The following SLC41A3 variants were observed in gnomAD, a reference collection of about 807,000 sequenced individuals.
The protein encoded by SLC41A3 is solute carrier family 41 member 3, also known as SLC41A1-like 2.
In SLC41A3, 44 loss-of-function variants were observed where a neutral mutation model predicts 45.4. That is an observed-to-expected ratio of 0.97 (90% CI 0.76 to 1.25). The LOEUF (loss-of-function observed/expected upper bound fraction) is 1.25, where lower values mean the gene tolerates loss of function less well. Ranked by LOEUF, SLC41A3 falls within the 50% of genes most tolerant of loss-of-function variation. The pLI, the probability that SLC41A3 is intolerant of heterozygous loss-of-function variation, is 0.00. For synonymous variants in SLC41A3, 256 were observed against 252.4 expected, an observed-to-expected ratio of 1.01 and a Z score of -0.13; for missense variants, 550 against 600.6, an observed-to-expected ratio of 0.92 and a Z score of 0.88.
chr3:126,071,597 T>C (rs1364936523), intron 1 of SLC41A3, among the ~76,000 whole-genome samples: 1 of 152,156 alleles, frequency 6.6e-6, no homozygotes, highest in Non-Finnish European at 1.5e-5. Context: ...GAATACTCAA[T>C]CTTATCAAGT....
chr3:126,035,746 T>C (rs1247407893), intron 3 of SLC41A3, among the ~76,000 whole-genome samples: 10 of 152,032 alleles, frequency 6.6e-5, no homozygotes, highest in Non-Finnish European at 1.3e-4. Context: ...AGGGCTCTTC[T>C]CTAGAACAGA....
chr3:126,072,076 C>A (rs1325420788), intron 1 of SLC41A3, among the ~76,000 whole-genome samples: 1 of 152,034 alleles, frequency 6.6e-6, no homozygotes, highest in African/African-American at 2.4e-5. Flanking sequence ...TGCCCCAGCC[C>A]ATACTCTTAA....
chr3:126,069,533 C>T (rs979104854), intron 1 of SLC41A3, among the ~76,000 whole-genome samples: 3 of 152,056 alleles, frequency 2.0e-5, no homozygotes, highest in Non-Finnish European at 4.4e-5. Flanking sequence ...ATCTCATTTC[C>T]ACACCTGTCA....
chr3:126,087,791 G>GT (rs1281666066), upstream of SLC41A3, among the ~76,000 whole-genome samples: 3 of 71,424 alleles, frequency 4.2e-5, no homozygotes, highest in Middle Eastern at 9.4e-3. Flanking sequence ...AAAGGAATTT[G>GT]TTTAAAAAAA....
At chr3:126,074,020 A>C (rs1944757613) in intron 1 of SLC41A3, among the ~76,000 whole-genome samples, 1 of 152,180 alleles carries the variant, frequency 6.6e-6, no homozygotes, top group Non-Finnish European at 1.5e-5. Context: ...TCAGGAATGC[A>C]AAGTTGGTTC....
chr3:126,097,399 C>T (rs529930851), intron 1 of SLC41A3, among the ~76,000 whole-genome samples: 6 of 152,286 alleles, frequency 3.9e-5, no homozygotes, highest in South Asian at 2.1e-4. Context: ...CTCTCCCTGG[C>T]GCTGTGAAAT....
At chr3:126,019,660 C>T (rs1940655028) in intron 6 of SLC41A3, among the ~76,000 whole-genome samples, 1 of 152,198 alleles carries the variant, frequency 6.6e-6, no homozygotes, top group Non-Finnish European at 1.5e-5. Flanking sequence ...AGGCCAAAAC[C>T]TGAGAGAGCA....
chr3:126,083,858 C>G (rs1400773774), intron 1 of SLC41A3: 2 of 150,580 alleles, frequency 1.3e-5, no homozygotes, highest in Non-Finnish European at 3.0e-5. Context: ...GGCCGCCCCT[C>G]CGACCCCTCG....
At chr3:126,036,617 T>C (rs1942213565) in intron 3 of SLC41A3, among the ~76,000 whole-genome samples, 1 of 152,040 alleles carries the variant, frequency 6.6e-6, no homozygotes. Flanking sequence ...CGCTGCCTCT[T>C]CTTGGTTTCC....
rs72979446 is a variant in SLC41A3 at position 126,029,174 on chromosome 3, G to A, written c.454-2695C>T. On this transcript the variant is annotated intron_variant, in intron 4 of 10. Coordinates refer to ENST00000360370, the MANE Select transcript of SLC41A3 (RefSeq NM_017836.4). ...GAAAGGCATGAGATTTGGGGGGCCA[G>A]GGGTGAAATTATATAGTTTGTATTT... 5.8e-3 allele frequency among the ~76,000 whole-genome samples: 884 copies of A among 152,304 alleles called. 5 individuals carry two copies. The highest frequency in any genetic ancestry group is 0.02 in the African/African-American group (841 of 41,552).
chr3:126,022,498 C>G (rs571857537), intron 6 of SLC41A3, among the ~76,000 whole-genome samples: 22 of 152,318 alleles, frequency 1.4e-4, no homozygotes, highest in African/African-American at 5.3e-4. Flanking sequence ...GGTGACAGAA[C>G]CCAGCGTGCA....
intron 1 of SLC41A3, among the ~76,000 whole-genome samples, chr3:126,089,807 A>G (rs947023801): frequency 6.6e-6 from 1 of 152,190 alleles, no homozygotes; most frequent in African/African-American, 2.4e-5. Flanking sequence ...TAAAATAAAA[A>G]TGGTTTACAT....
chr3:126,044,694 G>A (rs1432629511), intron 3 of SLC41A3, among the ~76,000 whole-genome samples: 1 of 151,714 alleles, frequency 6.6e-6, no homozygotes, highest in African/African-American at 2.4e-5. Context: ...AGGAGATCGA[G>A]ACCATCCTGG....
intron 4 of SLC41A3, among the ~76,000 whole-genome samples, chr3:126,032,889 CAGAG>C (rs1174347997): frequency 6.6e-6 from 1 of 152,162 alleles, no homozygotes; most frequent in Non-Finnish European, 1.5e-5. Flanking sequence ...CACCCCAACT[CAGAG>C]AGGCCCAGAA....
intron 3 of SLC41A3, among the ~76,000 whole-genome samples, chr3:126,049,088 C>T (rs1305434326): frequency 1.3e-5 from 2 of 151,256 alleles, no homozygotes; most frequent in African/African-American, 2.4e-5. Flanking sequence ...ATCACGAGGT[C>T]GGAAGTTCAA....
rs1414771114 is a variant in SLC41A3 at position 126,094,486 on chromosome 3, A to T, written c.-79+6943T>A. ...AGTTTTCGTAATTAAGAAAAAAATC[A>T]GGTAAATGGAGAATGTTAACTGACT... On this transcript the variant is annotated intron_variant, in intron 1 of 9. Transcript: ENST00000508835. Among the ~76,000 whole-genome samples, 3 of 152,264 alleles carry T rather than the reference A, an allele frequency of 2.0e-5. No homozygotes were observed. The South Asian group carries it at 6.2e-4, about 31-fold the overall frequency.
chr3:126,048,921 TAA>T lies in SLC41A3; in HGVS notation c.381+2020_381+2021del, dbSNP rs34981926. ...ATCAATTTATACCTTAAGACTGATT[TAA>T]AAAAAAAAAACAAAGTAAAACCTTT... On this transcript the variant is annotated intron_variant, in intron 3 of 10. Transcript: ENST00000360370. Among the ~76,000 whole-genome samples, 386 of 147,664 alleles carry T rather than the reference TAA, an allele frequency of 2.6e-3. 1 individual carries two copies. The highest frequency in any genetic ancestry group is 9.1e-3 in the African/African-American group (368 of 40,318).
intron 2 of SLC41A3, among the ~76,000 whole-genome samples, chr3:126,062,406 G>C (rs1259021127): frequency 6.6e-6 from 1 of 152,178 alleles, no homozygotes; most frequent in Non-Finnish European, 1.5e-5. Context: ...ACCTTTTCCA[G>C]GCTCCCCACA....
chr3:126,059,527 C>G (rs1488576668), intron 2 of SLC41A3, among the ~76,000 whole-genome samples: 9 of 152,086 alleles, frequency 5.9e-5, no homozygotes, highest in Admixed American at 5.9e-4. Context: ...CACAACAGCC[C>G]TGGGATGTTC....
Sources: allele counts gnomAD v4.1 joint callset (sites outside exome capture counted in the v4.1 genomes callset), GRCh38; gene constraint gnomAD v4.1.1; transcripts MANE v1.5; gene names NCBI Gene and HGNC (gene_info 2026-07-23, HGNC 2026-07-21).